Variants in CFAP54 observed in about 807,000 individuals in gnomAD.
CFAP54 encodes cilia and flagella associated protein 54.
CFAP54 carries 290 observed loss-of-function variants against 370.4 expected under a neutral mutation model. That is an observed-to-expected ratio of 0.78 (90% CI 0.71 to 0.86). The LOEUF (loss-of-function observed/expected upper bound fraction) is 0.86, where lower values mean the gene tolerates loss of function less well. Among genes scored for constraint, CFAP54 ranks in the 40% least tolerant of loss-of-function variants. CFAP54 has a pLI of 0.00. For synonymous variants in CFAP54, 1,206 were observed against 1,236.5 expected (o/e 0.98, Z 0.52); for missense variants, 3,399 against 3,528.7 (o/e 0.96, Z 0.93).
Position 96,533,785 on chromosome 12 carries a change from T to C in CFAP54, c.1358-7T>C, listed in dbSNP as rs988882248. The C allele has an allele frequency of 1.3e-6, 2 of 1,503,102 alleles. No individual in the cohort carries two copies. The highest frequency in any genetic ancestry group is 2.8e-5 in the African/African-American group (2 of 71,154). 93.1% of individuals were successfully genotyped at this position (1,503,102 alleles called of 1,614,324 possible). On this transcript the variant is annotated splice_polypyrimidine_tract_variant and splice_region_variant and intron_variant, in intron 9 of 67. Transcript: ENST00000524981. ...TGATATTCAAAACTCTCTTCTTCCT[T>C]TCCTAGTGTCAAATATTGGTGCAGA...
rs10631171 is a variant in CFAP54, at chr12:96,654,832, A to ATTTTTTTTTTTTTTTTTTTT, written c.5100+3033_5101-3033insTTTTTTTTTTTTTTTTTTTT. 1.9e-3 allele frequency among the ~76,000 whole-genome samples: 257 copies of ATTTTTTTTTTTTTTTTTTTT among 131,952 alleles called. 3 individuals carry two copies. The highest frequency in any genetic ancestry group is 2.9e-3 in the Non-Finnish European group (181 of 61,676). The allele number at this position is 131,952 out of a possible 152,430, so 86.6% of individuals were successfully genotyped here. On this transcript the variant is annotated intron_variant, in intron 36 of 67. Coordinates refer to ENST00000524981, the MANE Select transcript of CFAP54 (RefSeq NM_001306084.2). ...TTTTGTGTCTGGCTCATTTCACTTA[A>ATTTTTTTTTTTTTTTTTTTT]TTTTTTTTTTTTTTTTAAGAAATGA...
chr12:96,576,585 G>GA lies in CFAP54; in HGVS notation c.2622dup (p.Ala875SerfsTer9). ...TTTCTATTTTCATATTTCATTATAG[G>GA]AAGCATATTCCTTAATTCAGAGGAT... On this transcript the variant is annotated frameshift_variant and splice_region_variant, in exon 20 of 68. Coordinates refer to ENST00000524981, the MANE Select transcript of CFAP54 (RefSeq NM_001306084.2). LOFTEE classifies it high-confidence loss of function. 1 of 1,511,232 alleles carries GA rather than the reference G, an allele frequency of 6.6e-7. No homozygotes were observed. The highest frequency in any genetic ancestry group is 1.4e-5 in the African/African-American group (1 of 71,866). The allele number at this position is 1,511,232 out of a possible 1,614,324, so 93.6% of individuals were successfully genotyped here.
intron 64 of CFAP54, among the ~76,000 whole-genome samples, chr12:96,813,324 A>G (rs146150182): frequency 5.0e-4 from 76 of 152,198 alleles, no homozygotes; most frequent in Non-Finnish European, 1.0e-3. Flanking sequence ...AAAATAAACT[A>G]TTTCTCTCAT....
At chr12:96,785,813 G>T (rs1226892192) in intron 61 of CFAP54, among the ~76,000 whole-genome samples, 1 of 152,192 alleles carries the variant, frequency 6.6e-6, no homozygotes, top group Non-Finnish European at 1.5e-5. Flanking sequence ...TGCAGACAGG[G>T]TTTCCGCAGA....
At chr12:96,514,131 G>A (rs1270171439) in intron 5 of CFAP54, among the ~76,000 whole-genome samples, 1 of 152,152 alleles carries the variant, frequency 6.6e-6, no homozygotes, top group African/African-American at 2.4e-5. Context: ...TTGAGACCCT[G>A]CTTGAGTTGT....
intron 67 of CFAP54, among the ~76,000 whole-genome samples, 191 bp from the exon 68 acceptor site, chr12:96,874,927 C>T (rs1022144402): frequency 7.9e-5 from 12 of 151,096 alleles, no homozygotes; most frequent in Admixed American, 5.9e-4. Context: ...GGGATCTCTG[C>T]TTTTTTAAAG....
chr12:96,616,380 G>T (rs564737586), intron 26 of CFAP54, among the ~76,000 whole-genome samples: 4 of 151,738 alleles, frequency 2.6e-5, no homozygotes, highest in South Asian at 4.2e-4. Context: ...TGGGAGGGGG[G>T]AGGGATAGCA....
At chr12:96,513,867 C>T (rs1457508598) in intron 5 of CFAP54, among the ~76,000 whole-genome samples, 2 of 152,192 alleles carry the variant, frequency 1.3e-5, no homozygotes, top group Non-Finnish European at 2.9e-5. Context: ...CCACTTCTGG[C>T]CTGCATGCTA....
At chr12:96,634,633 G>A (rs1093242) in intron 32 of CFAP54, among the ~76,000 whole-genome samples, 37,125 of 151,982 alleles carry the variant, frequency 0.24, 5,436 homozygotes, top group East Asian at 0.49. Context: ...CCTTTAATGG[G>A]TTGTGCTTTT....
At chr12:96,771,001 A>C (rs986984552) in intron 60 of CFAP54, among the ~76,000 whole-genome samples, 1 of 152,244 alleles carries the variant, frequency 6.6e-6, no homozygotes, top group Non-Finnish European at 1.5e-5. Flanking sequence ...TTCGCAATCC[A>C]AACACATTAA....
At chr12:96,843,713 C>T (rs1959255970) in intron 66 of CFAP54, among the ~76,000 whole-genome samples, 2 of 152,168 alleles carry the variant, frequency 1.3e-5, no homozygotes, top group Non-Finnish European at 2.9e-5. Flanking sequence ...CATAGAGTGA[C>T]CATACATCCC....
At chr12:96,515,616 A>T (rs1955221606) in intron 5 of CFAP54, among the ~76,000 whole-genome samples, 1 of 152,180 alleles carries the variant, frequency 6.6e-6, no homozygotes, top group Admixed American at 6.6e-5. Context: ...TAGTGACTTC[A>T]GAGTTCAAGT....
intron 26 of CFAP54, among the ~76,000 whole-genome samples, chr12:96,620,272 T>C (rs935059256): frequency 6.6e-6 from 1 of 152,214 alleles, no homozygotes; most frequent in African/African-American, 2.4e-5. Context: ...TCATCTTGAA[T>C]TGTAGCTCCT....
intron 55 of CFAP54, among the ~76,000 whole-genome samples, chr12:96,752,585 CT>C (rs1274029140): frequency 6.6e-6 from 1 of 152,130 alleles, no homozygotes; most frequent in Non-Finnish European, 1.5e-5. Context: ...TTTATGCCAA[CT>C]TTTTTGTTCT....
chr12:96,498,877 A>G (rs77397795), intron 1 of CFAP54, among the ~76,000 whole-genome samples: 20,854 of 152,284 alleles, frequency 0.14, 1,540 homozygotes, highest in Middle Eastern at 0.19. Context: ...TGCAGAAGAC[A>G]TATTTGATAA....
chr12:96,626,397 A>C (rs1956549612), intron 29 of CFAP54, among the ~76,000 whole-genome samples: 1 of 151,996 alleles, frequency 6.6e-6, no homozygotes, highest in African/African-American at 2.4e-5. Flanking sequence ...AAAAACAAAA[A>C]AAAAAAAGAA....
At chr12:96,654,562 G>C (rs1956900251) in intron 36 of CFAP54, among the ~76,000 whole-genome samples, 1 of 151,522 alleles carries the variant, frequency 6.6e-6, no homozygotes, top group African/African-American at 2.4e-5. Context: ...ACAATGGGTT[G>C]TGATCAAGCC....
chr12:96,502,138 T>A (rs140981593), intron 2 of CFAP54, among the ~76,000 whole-genome samples: 10 of 152,208 alleles, frequency 6.6e-5, no homozygotes, highest in African/African-American at 2.4e-4. Context: ...TAGAAGCTGA[T>A]AAAGCAAGTT....
At chr12:96,556,110 T>C (rs1477463925) in intron 17 of CFAP54, among the ~76,000 whole-genome samples, 1 of 151,988 alleles carries the variant, frequency 6.6e-6, no homozygotes, top group Non-Finnish European at 1.5e-5. Flanking sequence ...ATCTTCCAGA[T>C]GCACCAAAGA....
Sources: gnomAD v4.1 joint callset for allele counts (sites outside exome capture counted in the v4.1 genomes callset) on GRCh38, gnomAD v4.1.1 for gene constraint, MANE v1.5 for transcripts, NCBI Gene and HGNC (gene_info 2026-07-23, HGNC 2026-07-21) for gene names.